TUBGCP4: variants seen among roughly 807,000 people sequenced by gnomAD.
TUBGCP4 encodes the protein gamma-tubulin complex component 4.
Under a neutral mutation model 91.6 loss-of-function variants are expected in TUBGCP4, and 54 were observed. The ratio of observed to expected loss-of-function variants is 0.59; its 90% confidence interval spans 0.47 to 0.74. The LOEUF (loss-of-function observed/expected upper bound fraction) is 0.74, where lower values mean the gene tolerates loss of function less well. Among genes scored for constraint, TUBGCP4 ranks in the 30% least tolerant of loss-of-function variants. The pLI is 0.00. For missense variants in TUBGCP4, 593 were observed against 800.9 expected, an observed-to-expected ratio of 0.74 and a Z score of 3.13; for synonymous variants, 297 against 302.8, an observed-to-expected ratio of 0.98 and a Z score of 0.20.
At chr15:43,380,722 C>A (rs1001079636) in intron 6 of TUBGCP4, among the ~76,000 whole-genome samples, 1 of 151,946 alleles carries the variant, frequency 6.6e-6, no homozygotes, top group African/African-American at 2.4e-5. Flanking sequence ...GACTATAAAG[C>A]CACTAAAAGT....
intron 7 of TUBGCP4, among the ~76,000 whole-genome samples, chr15:43,384,409 T>C (rs2044327039): frequency 6.6e-6 from 1 of 152,084 alleles, no homozygotes; most frequent in South Asian, 2.1e-4. Flanking sequence ...TTGGAGTGAC[T>C]AGGGAAGGCT....
rs1196447920 is a variant in TUBGCP4 at position 43,403,758 on chromosome 15, C to A, written c.1807C>A (p.Leu603Met). ...GCTGGTCAGTCAGAACCTAGGCCCACTGGATGAGCGTGGAGCCGCCCAGCT... is the reference window on the plus strand; with the variant it reads ...GCTGGTCAGTCAGAACCTAGGCCCAATGGATGAGCGTGGAGCCGCCCAGCT... ...CSLVSQNLGP[L>M]DERGAAQLSI... The change falls in exon 16 of 18, where the codon CTG (leucine) becomes ATG (methionine). Residue 603 changes from leucine (L) to methionine (M), a missense_variant. Leu to Met is a conservative substitution (Grantham distance 15). Transcript: ENST00000564079. The A allele has an allele frequency of 1.2e-6, 2 of 1,613,924 alleles. No individual in the cohort carries two copies. Among genetic ancestry groups the A allele is most frequent in the Non-Finnish European group, 1.7e-6 (2 of 1,180,000 alleles).
chr15:43,407,447 A>G lies in TUBGCP4; in HGVS notation c.*2233A>G, dbSNP rs1044525239. 8 of 1,614,016 alleles carry G rather than the reference A, an allele frequency of 5.0e-6. No homozygotes were observed. Among genetic ancestry groups the G allele is most frequent in the East Asian group, 2.2e-5 (1 of 44,882 alleles). On this transcript the variant is annotated 3_prime_UTR_variant, in exon 18 of 18. Transcript: ENST00000564079. Reference sequence around the variant, plus strand: ...CTTGAATCCAATTCTCTCCCCAACAATGAGGCACTGGATCACCCACTCTTG... The same window carrying G: ...CTTGAATCCAATTCTCTCCCCAACAGTGAGGCACTGGATCACCCACTCTTG...
At chr15:43,390,792 A>G (rs2044453764) in intron 9 of TUBGCP4, among the ~76,000 whole-genome samples, 1 of 152,046 alleles carries the variant, frequency 6.6e-6, no homozygotes, top group African/African-American at 2.4e-5. Flanking sequence ...TATAGGCGTG[A>G]GCCACTGGGC....
rs1211344699 is a variant in TUBGCP4 at position 43,404,610 on chromosome 15, G to T, written c.1988+58G>T. On this transcript the variant is annotated intron_variant, in intron 17 of 17. Coordinates refer to ENST00000564079, the MANE Select transcript of TUBGCP4 (RefSeq NM_014444.5). The stretch of plus-strand genomic sequence containing the variant: ...TTTTAAGGTGGCTTTTTAATGAGTT[G>T]TAGAATTCTAGAACTGGAAGAAGAC... The T allele has an allele frequency of 5.1e-6, 8 of 1,574,966 alleles. No homozygotes were observed. In the East Asian group the frequency reaches 1.8e-4, roughly 35 times the overall value.
intron 3 of TUBGCP4, 57 bp downstream of exon 3, chr15:43,376,682 T>G (rs1317125874): frequency 1.2e-6 from 2 of 1,607,832 alleles, no homozygotes; most frequent in Non-Finnish European, 1.7e-6. Flanking sequence ...GGCATGTTCT[T>G]GAATCTGAAA....
chr15:43,408,036 G>A lies in TUBGCP4; in HGVS notation c.*2822G>A. On this transcript the variant is annotated 3_prime_UTR_variant, in exon 18 of 18. Transcript: ENST00000564079. ...CAGAGCTCCAGGAAGTTCTGCTGTT[G>A]GTCTGATACCAAGAGTACCTTCAGA... is the stretch of plus-strand genomic sequence containing the variant. The A allele has an allele frequency of 6.2e-7, 1 of 1,614,072 alleles. No homozygotes were observed. Among genetic ancestry groups the A allele is most frequent in the Non-Finnish European group, 8.5e-7 (1 of 1,179,976 alleles).
intron 5 of TUBGCP4, among the ~76,000 whole-genome samples, chr15:43,379,233 A>G (rs1283139931): frequency 6.6e-6 from 1 of 152,254 alleles, no homozygotes; most frequent in African/African-American, 2.4e-5. Context: ...TGGAAATGTT[A>G]TAAAACTGGA....
intron 10 of TUBGCP4, 42 bp downstream of exon 10, chr15:43,395,199 G>C: frequency 6.2e-7 from 1 of 1,606,856 alleles, no homozygotes; most frequent in South Asian, 1.1e-5. Flanking sequence ...GATGCTGGTA[G>C]GCAGTGACTT....
intron 12 of TUBGCP4, 36 bp downstream of exon 12, chr15:43,397,357 C>G (rs1237230011): frequency 6.8e-7 from 1 of 1,465,290 alleles, no homozygotes; most frequent in Non-Finnish European, 9.6e-7. Flanking sequence ...AGAGTTCCTG[C>G]TGGTCATCAT....
In TUBGCP4 at chr15:43,376,213, A is replaced by T; in HGVS notation, c.194A>T (p.His65Leu). The T allele has an allele frequency of 6.2e-7, 1 of 1,613,688 alleles. No homozygotes were observed. Among genetic ancestry groups the T allele is most frequent in the Non-Finnish European group, 8.5e-7 (1 of 1,179,966 alleles). ...GAGTTCATTGAACAGTACACGGGCC[A>T]TGTGCAACAGCAGGTGGGTCCTGTT... ...FTEFIEQYTGHVQQQDHHPSQ... is the reference protein window; with the variant it reads ...FTEFIEQYTGLVQQQDHHPSQ... Residue 65 changes from histidine to leucine, a missense_variant, in exon 2 of 18, where the codon CAT becomes CTT. Coordinates refer to ENST00000564079, the MANE Select transcript of TUBGCP4 (RefSeq NM_014444.5).
chr15:43,397,376 C>CAT (rs1397306941), intron 12 of TUBGCP4, 55 bp downstream of exon 12: 3 of 1,318,786 alleles, frequency 2.3e-6, no homozygotes, highest in Non-Finnish European at 2.2e-6. Flanking sequence ...ATCCATTTTC[C>CAT]CATCTCTGCT....
In TUBGCP4 at chr15:43,409,313, T is replaced by G; in HGVS notation, c.*4099T>G. 1.7e-6 allele frequency: 1 copy of G among 595,378 alleles called. No homozygotes were observed. The highest frequency in any genetic ancestry group is 2.1e-5 in the South Asian group (1 of 47,752). The allele number at this position is 595,378 out of a possible 1,614,324, so 36.9% of individuals were successfully genotyped here. The stretch of plus-strand genomic sequence containing the variant: ...CCTCACCTGCAGCATACTGAGGACC[T>G]AAATCCTCAACGGACAACCAAAACC... On this transcript the variant is annotated 3_prime_UTR_variant, in exon 18 of 18. Transcript: ENST00000564079.
chr15:43,408,200 A>G lies in TUBGCP4; in HGVS notation c.*2986A>G. On this transcript the variant is annotated 3_prime_UTR_variant, in exon 18 of 18. Transcript: ENST00000564079. Reference sequence around the variant, plus strand: ...TGCTTTCAAAAATAAATGCCCCATCAGACATAGTGTCTCAAGCCTGTAATC... The same window carrying G: ...TGCTTTCAAAAATAAATGCCCCATCGGACATAGTGTCTCAAGCCTGTAATC... 2 of 1,099,284 alleles carry G rather than the reference A, an allele frequency of 1.8e-6. No homozygotes were observed. Among genetic ancestry groups the G allele is most frequent in the African/African-American group, 1.6e-5 (1 of 63,852 alleles). 68.1% of individuals were successfully genotyped at this position (1,099,284 alleles called of 1,614,324 possible).
chr15:43,397,915 T>A (rs1374032482), intron 12 of TUBGCP4, 126 bp from the exon 13 acceptor site: 1 of 926,328 alleles, frequency 1.1e-6, no homozygotes, highest in Non-Finnish European at 1.6e-6. Flanking sequence ...TTTCACTGTA[T>A]TGCCCAGACT....
chr15:43,399,097 T>C (rs550498906), intron 13 of TUBGCP4: 3 of 1,268,040 alleles, frequency 2.4e-6, no homozygotes, highest in East Asian at 5.6e-5. Flanking sequence ...CATTTCATTA[T>C]GTTTGTTCCT....
At chr15:43,377,518 G>T (rs571245832) in intron 4 of TUBGCP4, 4 of 303,114 alleles carry the variant, frequency 1.3e-5, no homozygotes, top group East Asian at 1.7e-4. Flanking sequence ...AGCTACTTGG[G>T]AGGCTAACGT....
intron 9 of TUBGCP4, among the ~76,000 whole-genome samples, chr15:43,393,628 G>A (rs2044524602): frequency 6.6e-6 from 1 of 151,816 alleles, no homozygotes; most frequent in South Asian, 2.1e-4. Context: ...CCCGGTGTGT[G>A]ATGTTCCCCT....
At chr15:43,382,434 C>G (rs1477899901) in intron 6 of TUBGCP4, among the ~76,000 whole-genome samples, 2 of 152,034 alleles carry the variant, frequency 1.3e-5, no homozygotes, top group Admixed American at 6.6e-5. Context: ...TCTTTTTAGT[C>G]TCCTTTAATT....
Sources: gnomAD v4.1 joint callset for allele counts (sites outside exome capture counted in the v4.1 genomes callset) on GRCh38, gnomAD v4.1.1 for gene constraint, MANE v1.5 for transcripts, NCBI Gene and HGNC (gene_info 2026-07-23, HGNC 2026-07-21) for gene names.